Variants in PARP16 observed in about 807,000 individuals in gnomAD.
PARP16 encodes the protein poly(ADP-ribose) polymerase family member 16.
PARP16 carries 31 observed loss-of-function variants against 35.0 expected under a neutral mutation model. The observed-to-expected ratio is 0.88, with a 90% confidence interval of 0.66 to 1.19. The LOEUF (loss-of-function observed/expected upper bound fraction) is 1.19. PARP16 is among the 50% of genes most tolerant of loss of function. The probability of loss-of-function intolerance (pLI) is 0.00; values close to 1 mark genes in which losing one functional copy is unlikely to be tolerated. For synonymous variants in PARP16, 162 were observed against 169.5 expected, an observed-to-expected ratio of 0.96 and a Z score of 0.34; for missense variants, 424 against 411.2, an observed-to-expected ratio of 1.03 and a Z score of -0.27.
At chr15:65,247,762 G>A (rs1176800471) in intron 3 of PARP16, among the ~76,000 whole-genome samples, 2 of 149,492 alleles carry the variant, frequency 1.3e-5, no homozygotes, top group Non-Finnish European at 3.0e-5. Context: ...ATACACAGGC[G>A]ATAACACACA....
chr15:65,272,479 C>T (rs1488259833), intron 1 of PARP16, among the ~76,000 whole-genome samples: 3 of 152,138 alleles, frequency 2.0e-5, no homozygotes, highest in Non-Finnish European at 2.9e-5. Context: ...CATTTAAACA[C>T]CTCTAGCCTA....
At chr15:65,234,617 G>C (rs2140705102) in exon 4 of PARP16, 1 of 152,296 alleles carries the variant, frequency 6.6e-6, no homozygotes, top group Admixed American at 6.5e-5. Flanking sequence ...GAGTAACTGG[G>C]CTCAGCTAGG....
At chr15:65,246,996 T>G (rs996703120) in intron 3 of PARP16, among the ~76,000 whole-genome samples, 1 of 94,240 alleles carries the variant, frequency 1.1e-5, no homozygotes, top group African/African-American at 2.9e-5. Flanking sequence ...TGCTCAACAA[T>G]TTTTTTTTTC....
intron 3 of PARP16, among the ~76,000 whole-genome samples, chr15:65,245,284 C>T (rs772030517): frequency 6.6e-6 from 1 of 152,206 alleles, no homozygotes; most frequent in Non-Finnish European, 1.5e-5. Context: ...CATGGAAAGT[C>T]CCCCTCTGGA....
chr15:65,250,947 A>G (rs2089343010), intron 2 of PARP16, among the ~76,000 whole-genome samples: 1 of 151,742 alleles, frequency 6.6e-6, no homozygotes, highest in African/African-American at 2.4e-5. Flanking sequence ...GGCTCACTCA[A>G]CCTCCGCCTC....
chr15:65,232,334 C>CT (rs1003486148), downstream of PARP16, among the ~76,000 whole-genome samples: 1 of 152,138 alleles, frequency 6.6e-6, no homozygotes, highest in African/African-American at 2.4e-5. Context: ...GAGTTTGCTC[C>CT]TATCAGCTCA....
downstream of PARP16, among the ~76,000 whole-genome samples, chr15:65,254,953 A>G (rs145522477): frequency 2.0e-5 from 3 of 152,174 alleles, no homozygotes; most frequent in Non-Finnish European, 4.4e-5. Context: ...CTGACAGCTC[A>G]TGGGATGCTG....
In PARP16 at chr15:65,286,104, CT is replaced by C. The variant is rs201647725; in HGVS notation, c.174+148del. On this transcript the variant is annotated intron_variant, in intron 1 of 5. Coordinates refer to ENST00000649807, the MANE Select transcript of PARP16 (RefSeq NM_001316943.2). ...AGCAGTGTTCTTAGCTCATGGAAAC[CT>C]TCCCCAAGGCAAGGCAAGACCAAGC... The C allele has an allele frequency of 1.4e-3, 841 of 621,716 alleles. 5 individuals are homozygous for C. The highest frequency in any genetic ancestry group is 0.013 in the African/African-American group (693 of 51,416). 38.5% of individuals were successfully genotyped at this position (621,716 alleles called of 1,614,324 possible). A position where few individuals can be genotyped will look rare whatever the true frequency, so the allele number is the denominator to read the frequency against.
intron 3 of PARP16, among the ~76,000 whole-genome samples, chr15:65,236,336 T>A (rs979072549): frequency 6.6e-6 from 1 of 152,236 alleles, no homozygotes; most frequent in Non-Finnish European, 1.5e-5. Flanking sequence ...TTGATGGTCC[T>A]ATGGAAGATG....
intron 3 of PARP16, among the ~76,000 whole-genome samples, chr15:65,266,346 T>C (rs140168984): frequency 6.6e-6 from 1 of 152,322 alleles, no homozygotes; most frequent in East Asian, 1.9e-4. Flanking sequence ...CAGGTTCTGA[T>C]TCAGAAGGTC....
intron 4 of PARP16, among the ~76,000 whole-genome samples, chr15:65,261,658 G>A (rs901572960): frequency 1.3e-5 from 2 of 151,984 alleles, no homozygotes; most frequent in East Asian, 3.9e-4. Flanking sequence ...GTTTCACCAT[G>A]TTGGCCAGGC....
rs1596023834 is a variant in PARP16 at position 65,266,494 on chromosome 15, TC to T, written c.519+67del. On this transcript the variant is annotated intron_variant, in intron 3 of 5. Coordinates refer to ENST00000649807, the MANE Select transcript of PARP16 (RefSeq NM_001316943.2). ...CTGCAAACTCCTAGGGTTCTGAATC[TC>T]CCCCTCCCCACTCTCCCACCTCCAT... The T allele has an allele frequency of 1.5e-6, 2 of 1,335,032 alleles. 1 individual carries two copies. The highest frequency in any genetic ancestry group is 4.6e-5 in the East Asian group (2 of 43,534). The allele number at this position is 1,335,032 out of a possible 1,614,324, so 82.7% of individuals were successfully genotyped here. A position where few individuals can be genotyped will look rare whatever the true frequency, so the allele number is the denominator to read the frequency against.
At chr15:65,261,853 CAAAA>C (rs1308184265) in intron 4 of PARP16, among the ~76,000 whole-genome samples, 1 of 152,088 alleles carries the variant, frequency 6.6e-6, no homozygotes, top group Non-Finnish European at 1.5e-5. Context: ...AACAAACAAA[CAAAA>C]AACCCTTTTC....
At chr15:65,279,492 C>T (rs994467408) in intron 1 of PARP16, among the ~76,000 whole-genome samples, 3 of 152,162 alleles carry the variant, frequency 2.0e-5, no homozygotes, top group Non-Finnish European at 4.4e-5. Context: ...TCTTTCTAGA[C>T]ACATACCTAC....
rs903175314 is a variant in PARP16, at chr15:65,286,495, G to C, written c.-69C>G. 5.6e-6 allele frequency: 7 copies of C among 1,246,308 alleles called. No individual in the cohort carries two copies. The African/African-American group carries it at 9.6e-5, about 17-fold the overall frequency. The allele number at this position is 1,246,308 out of a possible 1,614,324, so 77.2% of individuals were successfully genotyped here. A position where few individuals can be genotyped will look rare whatever the true frequency, so the allele number is the denominator to read the frequency against. On this transcript the variant is annotated 5_prime_UTR_variant, in exon 1 of 6. Transcript: ENST00000649807. Reference sequence around the variant, plus strand: ...GCAAGGGCGAGCGTGCGTTCAGCGCGGGGGCTGGGCCCGCGGACAATGGGC... The same window carrying C: ...GCAAGGGCGAGCGTGCGTTCAGCGCCGGGGCTGGGCCCGCGGACAATGGGC...
At chr15:65,263,015 C>G (rs1245923154) in intron 4 of PARP16, 134 bp downstream of exon 4, 2 of 755,346 alleles carry the variant, frequency 2.6e-6, no homozygotes, top group Non-Finnish European at 4.4e-6. Flanking sequence ...TGGGCAGGAC[C>G]CTGTCCGGCA....
chr15:65,284,944 A>G (rs1480837309), intron 1 of PARP16, among the ~76,000 whole-genome samples: 2 of 151,304 alleles, frequency 1.3e-5, no homozygotes, highest in East Asian at 1.9e-4. Flanking sequence ...CAGCCTCCCA[A>G]GTAGCTGGGA....
At chr15:65,254,059 C>T (rs2089436137), downstream of PARP16, among the ~76,000 whole-genome samples, 1 of 152,162 alleles carries the variant, frequency 6.6e-6, no homozygotes. Flanking sequence ...GTCAGGTGAT[C>T]TGCCCGCCTC....
chr15:65,286,061 C>G (rs926173129), intron 1 of PARP16, among the ~76,000 whole-genome samples, 192 bp downstream of exon 1: 2 of 152,186 alleles, frequency 1.3e-5, no homozygotes, highest in African/African-American at 4.8e-5. Context: ...TGGGAGTGAG[C>G]GTTGACATGA....
Sources: allele counts gnomAD v4.1 joint callset (sites outside exome capture counted in the v4.1 genomes callset), GRCh38; gene constraint gnomAD v4.1.1; transcripts MANE v1.5; gene names NCBI Gene and HGNC (gene_info 2026-07-23, HGNC 2026-07-21).